ZNF521: variants seen among roughly 807,000 people sequenced by gnomAD.
ZNF521 encodes the protein LYST-interacting protein 3.
A neutral mutation model predicts 105.5 loss-of-function variants in ZNF521; 14 were observed. That is an observed-to-expected ratio of 0.13 (90% confidence interval 0.09 to 0.21). ZNF521 has a LOEUF of 0.21. Among genes scored for constraint, ZNF521 ranks in the 10% least tolerant of loss-of-function variants. ZNF521 has a pLI of 1.00. For synonymous variants in ZNF521, 635 were observed against 606.0 expected, an observed-to-expected ratio of 1.05 and a Z score of -0.70; for missense variants, 1,233 against 1,629.7, an observed-to-expected ratio of 0.76 and a Z score of 4.19.
chr18:25,208,215 T>C (rs2036116631), intron 4 of ZNF521, among the ~76,000 whole-genome samples: 1 of 152,210 alleles, frequency 6.6e-6, no homozygotes, highest in African/African-American at 2.4e-5. Context: ...ATATATTTGC[T>C]TTTTATAGGT....
intron 4 of ZNF521, among the ~76,000 whole-genome samples, chr18:25,200,176 T>G (rs2035968276): frequency 6.6e-6 from 1 of 152,096 alleles, no homozygotes; most frequent in Non-Finnish European, 1.5e-5. Context: ...TTAGGTGCAT[T>G]TCAAAAGGAG....
rs1387857439 is a variant in ZNF521, at chr18:25,226,585, C to T, written c.1333G>A (p.Val445Ile). 6.2e-7 allele frequency: 1 copy of T among 1,614,150 alleles called. No homozygotes were observed. The highest frequency in any genetic ancestry group is 8.5e-7 in the Non-Finnish European group (1 of 1,180,022). The change falls in exon 4 of 8, where the codon GTC becomes ATC. Residue 445 changes from valine (V) to isoleucine (I), a missense_variant. Transcript: ENST00000361524. This position sits in a 1 kb window ranked among gnomAD's most constrained non-coding sequence, Gnocchi z 4.1. ...TTTAGGTTATAGAGTGAGGGCAGGA[C>T]CTCCAAGCAATACTGACAAATATGG... is the stretch of plus-strand genomic sequence containing the variant. ...QAHICQYCLE[V>I]LPSLYNLNEH...
Position 25,273,271 on chromosome 18 carries a change from ACATTTACTTTT to A in ZNF521, c.221-45585_221-45575del, listed in dbSNP as rs1909803318. 2.8e-5 allele frequency among the ~76,000 whole-genome samples: 4 copies of A among 145,382 alleles called. No homozygotes were observed. The Admixed American group carries it at 2.8e-4, about 10-fold the overall frequency. On this transcript the variant is annotated intron_variant, in intron 3 of 7. Coordinates refer to ENST00000361524, the MANE Select transcript of ZNF521 (RefSeq NM_015461.3). ...AAAAAAGACATTTTAAATATCTGCA[ACATTTACTTTT>A]AAAAGATGAAGGTGCCAGAAAATAA...
intron 3 of ZNF521, among the ~76,000 whole-genome samples, chr18:25,250,613 C>T (rs186498959): frequency 6.6e-6 from 1 of 152,218 alleles, no homozygotes; most frequent in Non-Finnish European, 1.5e-5. Context: ...CAGAAACTAG[C>T]TGCCAAATGT....
At chr18:25,139,399 A>G in intron 5 of ZNF521, among the ~76,000 whole-genome samples, 1 of 137,970 alleles carries the variant, frequency 7.2e-6, no homozygotes, top group Admixed American at 7.3e-5. Context: ...AAAAAAAAAA[A>G]AAAGACAATA....
intron 3 of ZNF521, among the ~76,000 whole-genome samples, chr18:25,273,220 CAAAAAAAAAAAAAA>C (rs67381140): frequency 1.4e-3 from 56 of 40,888 alleles, no homozygotes; most frequent in South Asian, 2.3e-3. Flanking sequence ...ACCCTGTCTC[CAAAAAAAAAAAAAA>C]AAAAAAAAAA....
In ZNF521 at chr18:25,350,962, C is replaced by T; in HGVS notation, c.-1-15G>A. On this transcript the variant is annotated splice_polypyrimidine_tract_variant and intron_variant, in intron 1 of 7. Coordinates refer to ENST00000361524, the MANE Select transcript of ZNF521 (RefSeq NM_015461.3). Reference sequence around the variant, plus strand: ...GGCGAGACATCCTAAAAGCAAACAGCTGAAGTTGTTTCAATTCAGCCCTGA... The same window carrying T: ...GGCGAGACATCCTAAAAGCAAACAGTTGAAGTTGTTTCAATTCAGCCCTGA... The T allele has an allele frequency of 1.3e-6, 2 of 1,546,336 alleles. No individual in the cohort carries two copies. Among genetic ancestry groups the T allele is most frequent in the South Asian group, 1.2e-5 (1 of 83,642 alleles).
At position 25,248,581 on chromosome 18, in the gene ZNF521, T is replaced by C. The variant is rs75480160; in HGVS notation, c.221-20884A>G. ...TATATTGATATTTACAACAATCCTCTTATCCTGTGTACTTTTCTAGCTTTA... is the reference window on the plus strand; with the variant it reads ...TATATTGATATTTACAACAATCCTCCTATCCTGTGTACTTTTCTAGCTTTA... On this transcript the variant is annotated intron_variant, in intron 3 of 7. Transcript: ENST00000361524. Among the ~76,000 whole-genome samples, 486 of 152,336 alleles carry C rather than the reference T, an allele frequency of 3.2e-3. 2 individuals carry two copies. Among genetic ancestry groups the C allele is most frequent in the African/African-American group, 0.011 (474 of 41,574 alleles).
chr18:25,080,060 C>CCT (rs2033457877), intron 7 of ZNF521, among the ~76,000 whole-genome samples: 1 of 152,174 alleles, frequency 6.6e-6, no homozygotes, highest in Non-Finnish European at 1.5e-5. Context: ...CCAGGAGCTG[C>CCT]TATCAAGGCA....
intron 5 of ZNF521, among the ~76,000 whole-genome samples, chr18:25,168,796 T>G (rs970169012): frequency 2.0e-5 from 3 of 152,196 alleles, no homozygotes; most frequent in African/African-American, 7.2e-5. Flanking sequence ...TCTGTGTCTA[T>G]GTCAGTGTGA....
chr18:25,226,230 G>C lies in ZNF521; in HGVS notation c.1688C>G (p.Ser563Cys). ...KEPVVEVYSC[S>C]YCTNSPIFNS... ...GAATATTGGCGAATTTGTACAATAG[G>C]AACAAGAATAGACTTCTACTACTGG... The change falls in exon 4 of 8, where the codon TCC becomes TGC. Residue 563 changes from serine (S) to cysteine (C), a missense_variant. Around this residue, in one of 6 missense-constraint regions of ZNF521, gnomAD observed 380 missense variants for 478.0 expected, o/e 0.80. Transcript: ENST00000361524. This position sits in a 1 kb window ranked among gnomAD's most constrained non-coding sequence, Gnocchi z 4.1. 1 of 1,614,176 alleles carries C rather than the reference G, an allele frequency of 6.2e-7. No homozygotes were observed. Among genetic ancestry groups the C allele is most frequent in the East Asian group, 2.2e-5 (1 of 44,870 alleles).
chr18:25,074,666 C>T (rs895502292), intron 7 of ZNF521, among the ~76,000 whole-genome samples: 5 of 152,168 alleles, frequency 3.3e-5, no homozygotes, highest in African/African-American at 9.6e-5. Flanking sequence ...GTCTTATACT[C>T]TTTAAGGTCT....
chr18:25,161,263 A>C (rs4277421), intron 5 of ZNF521, among the ~76,000 whole-genome samples: 142,828 of 152,126 alleles, frequency 0.94, 67,291 homozygotes, highest in Middle Eastern at 0.99. Context: ...TGGTTGGGGG[A>C]AGTTTTGTTT....
intron 4 of ZNF521, chr18:25,202,936 T>C (rs948161433): frequency 3.3e-5 from 5 of 152,220 alleles, no homozygotes; most frequent in African/African-American, 9.6e-5. Context: ...TATTCTAATT[T>C]GTATTCTTGT....
chr18:25,259,437 C>A (rs1765730679), intron 3 of ZNF521, among the ~76,000 whole-genome samples: 1 of 152,122 alleles, frequency 6.6e-6, no homozygotes, highest in Admixed American at 6.6e-5. Flanking sequence ...CAAATATGTA[C>A]ACTGTGATGC....
chr18:25,140,738 G>C (rs534821361), intron 5 of ZNF521, among the ~76,000 whole-genome samples: 2 of 152,312 alleles, frequency 1.3e-5, no homozygotes, highest in East Asian at 3.9e-4. Context: ...GAAAATGGGA[G>C]AGGGAGGGCA....
intron 5 of ZNF521, among the ~76,000 whole-genome samples, chr18:25,126,416 A>G (rs926157541): frequency 6.6e-6 from 1 of 152,142 alleles, no homozygotes; most frequent in Non-Finnish European, 1.5e-5. Context: ...CCACATAAAA[A>G]GAGGGATTAT....
chr18:25,234,839 TA>T (rs1906773131), intron 3 of ZNF521, among the ~76,000 whole-genome samples: 1 of 151,828 alleles, frequency 6.6e-6, no homozygotes, highest in African/African-American at 2.4e-5. Context: ...TGTTTATAAA[TA>T]AAAATAAACA....
At chr18:25,263,843 A>G (rs1600229226) in intron 3 of ZNF521, among the ~76,000 whole-genome samples, 1 of 152,152 alleles carries the variant, frequency 6.6e-6, no homozygotes, top group Admixed American at 6.6e-5. Context: ...CTCCCAAAGT[A>G]CTAGGATTAC....
Sources: allele counts gnomAD v4.1 joint callset (sites outside exome capture counted in the v4.1 genomes callset), GRCh38; gene constraint gnomAD v4.1.1; regional missense constraint gnomAD v4.1.1; non-coding constraint Gnocchi (gnomAD v3.1); transcripts MANE v1.5; gene names NCBI Gene and HGNC (gene_info 2026-07-23, HGNC 2026-07-21).